Variants in IFT122 observed in about 807,000 individuals in gnomAD.
The protein encoded by IFT122 is intraflagellar transport protein 122 homolog.
IFT122 carries 118 observed loss-of-function variants against 161.6 expected under a neutral mutation model. The ratio of observed to expected loss-of-function variants is 0.73; its 90% CI spans 0.63 to 0.85. The LOEUF is 0.85. Ranked by LOEUF, IFT122 falls within the 40% of genes least tolerant of loss-of-function variation. IFT122 has a pLI of 0.00. For synonymous variants in IFT122, 550 were observed against 602.4 expected, an observed-to-expected ratio of 0.91 and a Z score of 1.27; for missense variants, 1,381 against 1,579.6, an observed-to-expected ratio of 0.87 and a Z score of 2.13.
At chr3:129,502,929 G>C in intron 20 of IFT122, 47 bp downstream of exon 20, 1 of 1,589,624 alleles carries the variant, frequency 6.3e-7, no homozygotes, top group South Asian at 1.1e-5. Flanking sequence ...CCTGAGCCCT[G>C]GGACACAGGC....
At chr3:129,452,457 G>A (rs1257208689) in intron 3 of IFT122, among the ~76,000 whole-genome samples, 1 of 152,176 alleles carries the variant, frequency 6.6e-6, no homozygotes, top group Admixed American at 6.6e-5. Flanking sequence ...AGACTAGTGA[G>A]GGTGGGCTCA....
At position 129,451,952 on chromosome 3, in the gene IFT122, C is replaced by G. The variant is rs1294938742; in HGVS notation, c.147C>G (p.Leu49=). ...CTGATGGCACCTTACTTCAGCCCCT[C>G]AAGGGACACAAAGACACTGTGTACT... The part of the protein sequence containing the change: ...DTSDGTLLQP[L]KGHKDTVYCV... Residue 49 remains leucine (L), a synonymous_variant, in exon 3 of 30, where the codon CTC becomes CTG. Transcript: ENST00000348417. 6.2e-7 allele frequency: 1 copy of G among 1,614,102 alleles called. No individual in the cohort carries two copies. The highest frequency in any genetic ancestry group is 1.7e-4 in the Middle Eastern group (1 of 6,060).
intron 15 of IFT122, among the ~76,000 whole-genome samples, chr3:129,486,778 C>T (rs571045170): frequency 6.6e-6 from 1 of 152,164 alleles, no homozygotes; most frequent in East Asian, 1.9e-4. Context: ...TCTCCTTTGC[C>T]CATGGTAGCC....
chr3:129,488,122 T>C, intron 15 of IFT122, 135 bp from the exon 16 acceptor site: 1 of 1,458,908 alleles, frequency 6.9e-7, no homozygotes, highest in Non-Finnish European at 9.5e-7. Flanking sequence ...GGCAGGGTGC[T>C]GATTGGCGGC....
chr3:129,455,426 C>T (rs1471046956), intron 3 of IFT122, among the ~76,000 whole-genome samples: 1 of 152,104 alleles, frequency 6.6e-6, no homozygotes, highest in African/African-American at 2.4e-5. Flanking sequence ...CCACCTCGGC[C>T]TCCCAAAGTG....
At chr3:129,477,318 C>T (rs2078069972) in intron 11 of IFT122, among the ~76,000 whole-genome samples, 1 of 152,172 alleles carries the variant, frequency 6.6e-6, no homozygotes, top group South Asian at 2.1e-4. Context: ...CCTAAGACTG[C>T]AGTCTCTCCC....
intron 29 of IFT122, among the ~76,000 whole-genome samples, 173 bp from the exon 30 acceptor site, chr3:129,520,003 C>G (rs1286031121): frequency 6.6e-6 from 1 of 152,200 alleles, no homozygotes; most frequent in Non-Finnish European, 1.5e-5. Flanking sequence ...CAAGAAACCC[C>G]ACAGCCCCCT....
chr3:129,514,778 GCCTCAGC>G lies in IFT122; in HGVS notation c.3153+233_3153+239del, dbSNP rs1578161294. Reference sequence around the variant, plus strand: ...CGCCCGCTCACAGCCCCCGGCCCCGGCCTCAGCCCTCAGCCTGGCCTCCCTTGCTCCT... The same window carrying G: ...CGCCCGCTCACAGCCCCCGGCCCCGGCCTCAGCCTGGCCTCCCTTGCTCCT... On this transcript the variant is annotated intron_variant, in intron 25 of 29. Coordinates refer to ENST00000348417, the MANE Select transcript of IFT122 (RefSeq NM_052989.3). 10 of 634,912 alleles carry G rather than the reference GCCTCAGC, an allele frequency of 1.6e-5. No homozygotes were observed. In the East Asian group the frequency reaches 2.5e-4, roughly 16 times the overall value. The allele number at this position is 634,912 out of a possible 1,614,324, so 39.3% of individuals were successfully genotyped here.
intron 3 of IFT122, chr3:129,456,325 A>G: frequency 1.7e-6 from 2 of 1,160,068 alleles, no homozygotes; most frequent in Admixed American, 3.4e-5. Context: ...TCACCCTAAT[A>G]TCTACTATTT....
chr3:129,441,209 T>G (rs955345429), intron 1 of IFT122, among the ~76,000 whole-genome samples: 1 of 152,256 alleles, frequency 6.6e-6, no homozygotes, highest in Non-Finnish European at 1.5e-5. Flanking sequence ...AGCATTGTTG[T>G]GAAGCCTCTG....
intron 4 of IFT122, 61 bp downstream of exon 4, chr3:129,458,738 G>A (rs1369524415): frequency 5.4e-6 from 7 of 1,298,004 alleles, no homozygotes; most frequent in Non-Finnish European, 7.8e-6. Flanking sequence ...TGCAGCAAAA[G>A]CCTCTTAGAA....
At chr3:129,479,065 G>A (rs956696444) in intron 12 of IFT122, among the ~76,000 whole-genome samples, 1 of 152,020 alleles carries the variant, frequency 6.6e-6, no homozygotes, top group East Asian at 1.9e-4. Context: ...TGTTGGAGGT[G>A]ATAAAAGAGA....
At chr3:129,516,561 C>T (rs1458717745) in intron 26 of IFT122, among the ~76,000 whole-genome samples, 3 of 110,362 alleles carry the variant, frequency 2.7e-5, no homozygotes, top group Non-Finnish European at 5.8e-5. Context: ...CAGATTGCTC[C>T]TGCACACACA....
chr3:129,488,713 T>C (rs1001809359), intron 16 of IFT122, among the ~76,000 whole-genome samples: 2 of 151,942 alleles, frequency 1.3e-5, no homozygotes, highest in African/African-American at 4.8e-5. Flanking sequence ...TATTAGCTGT[T>C]CTCTGTGGGA....
chr3:129,453,013 TG>T (rs1180131742), intron 3 of IFT122, among the ~76,000 whole-genome samples: 3 of 147,132 alleles, frequency 2.0e-5, no homozygotes, highest in African/African-American at 7.9e-5. Context: ...AGGTTGGAGT[TG>T]CCCCCCCCAC....
Position 129,460,840 on chromosome 3 carries a change from T to A in IFT122, c.273-388T>A, listed in dbSNP as rs1009331489. 2 of 1,606,490 alleles carry A rather than the reference T, an allele frequency of 1.2e-6. No individual in the cohort carries two copies. Among genetic ancestry groups the A allele is most frequent in the African/African-American group, 1.3e-5 (1 of 74,758 alleles). On this transcript the variant is annotated intron_variant, in intron 4 of 29. Coordinates refer to ENST00000348417, the MANE Select transcript of IFT122 (RefSeq NM_052989.3). ...CAGCTTTCATTGTTGTCTAAGGATT[T>A]GTCATGTTTCCAGATCTTGGTCTGT...
intron 1 of IFT122, among the ~76,000 whole-genome samples, chr3:129,443,202 C>T (rs2073501182): frequency 1.3e-5 from 2 of 152,072 alleles, no homozygotes; most frequent in South Asian, 4.2e-4. Context: ...CATAAGTTAC[C>T]TAAGATTACA....
chr3:129,499,380 T>C lies in IFT122; in HGVS notation c.2209-522T>C, dbSNP rs188486632. The stretch of plus-strand genomic sequence containing the variant: ...CGGCAAACACTGTAAGTCATTTTGT[T>C]TGTGTAAGTTTAGGGGAACCCATGC... On this transcript the variant is annotated intron_variant, in intron 18 of 29. Coordinates refer to ENST00000348417, the MANE Select transcript of IFT122 (RefSeq NM_052989.3). Among the ~76,000 whole-genome samples the C allele has an allele frequency of 5.3e-3, 798 of 151,266 alleles. 1 individual carries two copies. The highest frequency in any genetic ancestry group is 0.014 in the Middle Eastern group (4 of 294).
At chr3:129,451,756 A>G (rs2074883826) in intron 2 of IFT122, among the ~76,000 whole-genome samples, 158 bp from the exon 3 acceptor site, 2 of 152,178 alleles carry the variant, frequency 1.3e-5, no homozygotes, top group South Asian at 2.1e-4. Flanking sequence ...CCCAACTTTA[A>G]GTCACGTTGT....
Sources: allele counts gnomAD v4.1 joint callset (sites outside exome capture counted in the v4.1 genomes callset), GRCh38; gene constraint gnomAD v4.1.1; transcripts MANE v1.5; gene names NCBI Gene and HGNC (gene_info 2026-07-23, HGNC 2026-07-21).